Variants in CADPS2 observed in about 807,000 individuals in gnomAD.
CADPS2 encodes the protein calcium dependent secretion activator 2.
A neutral mutation model predicts 172.5 loss-of-function variants in CADPS2; 93 were observed. The ratio of observed to expected loss-of-function variants is 0.54; its 90% confidence interval spans 0.46 to 0.64. The LOEUF is 0.64. Ranked by LOEUF, CADPS2 falls within the 30% of genes least tolerant of loss-of-function variation. The probability of loss-of-function intolerance (pLI) is 0.00; values close to 1 mark genes in which losing one functional copy is unlikely to be tolerated. For missense variants in CADPS2, 1,420 were observed against 1,565.9 expected, an observed-to-expected ratio of 0.91 and a Z score of 1.57; for synonymous variants, 546 against 555.2, an observed-to-expected ratio of 0.98 and a Z score of 0.23.
chr7:122,407,577 A>T lies in CADPS2; in HGVS notation c.2709T>A (p.Pro903=). Residue 903 remains proline (P), a synonymous_variant, in exon 20 of 30, where the codon CCT becomes CCA. Transcript: ENST00000449022. The part of the protein sequence containing the change: ...AQPQDSWDSF[P]LFQLLNNFLR... Reference sequence around the variant, plus strand: ...GGAAATTATTAAGCAGTTGGAAAAGAGGAAAACTATCCCAGGAGTCTTGCG... The same window carrying T: ...GGAAATTATTAAGCAGTTGGAAAAGTGGAAAACTATCCCAGGAGTCTTGCG... 1 of 1,612,430 alleles carries T rather than the reference A, an allele frequency of 6.2e-7. No homozygotes were observed. The highest frequency in any genetic ancestry group is 1.7e-5 in the Admixed American group (1 of 59,858).
chr7:122,846,433 G>A (rs987200213), intron 1 of CADPS2, among the ~76,000 whole-genome samples: 1 of 152,140 alleles, frequency 6.6e-6, no homozygotes, highest in Non-Finnish European at 1.5e-5. Flanking sequence ...GCTGAATTTG[G>A]TTAGCTACAA....
intron 6 of CADPS2, among the ~76,000 whole-genome samples, chr7:122,591,219 A>G (rs934405017): frequency 2.0e-5 from 3 of 152,016 alleles, no homozygotes; most frequent in African/African-American, 4.8e-5. Context: ...CAAATCATGA[A>G]TGAACTCCCA....
chr7:122,722,597 T>C (rs1167016330), intron 2 of CADPS2, among the ~76,000 whole-genome samples: 1 of 144,522 alleles, frequency 6.9e-6, no homozygotes, highest in East Asian at 2.0e-4. Flanking sequence ...GAATCAATAT[T>C]GTGAAAATGG....
chr7:122,571,924 TA>T (rs1189358334), intron 7 of CADPS2, among the ~76,000 whole-genome samples: 1 of 152,156 alleles, frequency 6.6e-6, no homozygotes, highest in Admixed American at 6.6e-5. Context: ...AATAATTAAC[TA>T]TACTAATTTT....
intron 2 of CADPS2, among the ~76,000 whole-genome samples, chr7:122,666,461 A>G (rs567869521): frequency 6.6e-6 from 1 of 150,900 alleles, no homozygotes; most frequent in East Asian, 2.0e-4. Flanking sequence ...CTGCTGCCTC[A>G]GCCTCCTGAG....
intron 6 of CADPS2, among the ~76,000 whole-genome samples, chr7:122,591,925 G>A (rs1441207397): frequency 6.6e-6 from 1 of 151,792 alleles, no homozygotes; most frequent in Non-Finnish European, 1.5e-5. Context: ...ACATAGGCAT[G>A]GACAAGGACT....
At position 122,702,882 on chromosome 7, in the gene CADPS2, A is replaced by C. The variant is rs2086395500; in HGVS notation, c.453+34073T>G. On this transcript the variant is annotated intron_variant, in intron 2 of 29. Transcript: ENST00000449022. ...AATGGAAAAGGTCTCCCTGGATCAAAGCTATCTTGCTCCTTCCAGTATTTT... is the reference window on the plus strand; with the variant it reads ...AATGGAAAAGGTCTCCCTGGATCAACGCTATCTTGCTCCTTCCAGTATTTT... 4 of 647,358 alleles carry C rather than the reference A, an allele frequency of 6.2e-6. No individual in the cohort carries two copies. In the South Asian group the frequency reaches 8.3e-5, roughly 13 times the overall value. 40.1% of individuals were successfully genotyped at this position (647,358 alleles called of 1,614,324 possible).
At chr7:122,686,178 A>G (rs2083592858) in intron 2 of CADPS2, among the ~76,000 whole-genome samples, 2 of 152,040 alleles carry the variant, frequency 1.3e-5, no homozygotes, top group Admixed American at 6.5e-5. Context: ...CTATTCTTTT[A>G]TTTATAAATT....
intron 1 of CADPS2, among the ~76,000 whole-genome samples, chr7:122,808,357 A>G (rs1051377277): frequency 1.3e-5 from 2 of 152,200 alleles, no homozygotes; most frequent in Non-Finnish European, 2.9e-5. Flanking sequence ...TGGTTTTGCA[A>G]TATCAAAGTA....
chr7:122,324,305 G>T (rs2150717566), intron 29 of CADPS2, among the ~76,000 whole-genome samples: 1 of 152,218 alleles, frequency 6.6e-6, no homozygotes, highest in South Asian at 2.1e-4. Context: ...CAACAAGCAG[G>T]CATAAAAATA....
chr7:122,568,005 T>C (rs1389095211), intron 7 of CADPS2, among the ~76,000 whole-genome samples: 1 of 152,132 alleles, frequency 6.6e-6, no homozygotes, highest in Non-Finnish European at 1.5e-5. Flanking sequence ...GAATGGATAA[T>C]AAAGACACAA....
chr7:122,874,524 A>G (rs2141582239), intron 1 of CADPS2, among the ~76,000 whole-genome samples: 1 of 152,338 alleles, frequency 6.6e-6, no homozygotes, highest in African/African-American at 2.4e-5. Context: ...ACAGAATTAG[A>G]AAAAACTACT....
At chr7:122,707,029 G>A (rs1224106535) in intron 2 of CADPS2, among the ~76,000 whole-genome samples, 1 of 151,726 alleles carries the variant, frequency 6.6e-6, no homozygotes. Context: ...CCAGAGGAAG[G>A]GTGAAGATTT....
At position 122,379,683 on chromosome 7, in the gene CADPS2, G is replaced by A. The variant is rs543681208; in HGVS notation, c.3313-241C>T. ...CAGCTAATGGGGTTATTATTTAGAT[G>A]AATTGAGTTCTTATTCTTATTCAGG... On this transcript the variant is annotated intron_variant, in intron 24 of 29. Transcript: ENST00000449022. 4.6e-5 allele frequency among the ~76,000 whole-genome samples: 7 copies of A among 152,200 alleles called. No homozygotes were observed. In the East Asian group the frequency reaches 1.2e-3, roughly 25 times the overall value.
At chr7:122,755,450 C>T (rs1271978595) in intron 1 of CADPS2, among the ~76,000 whole-genome samples, 1 of 152,098 alleles carries the variant, frequency 6.6e-6, no homozygotes, top group Non-Finnish European at 1.5e-5. Context: ...ATTATCAACA[C>T]TGTATTGTAT....
chr7:122,403,646 TTTTAA>T (rs1370257237), intron 20 of CADPS2, among the ~76,000 whole-genome samples: 4 of 152,178 alleles, frequency 2.6e-5, no homozygotes, highest in Non-Finnish European at 4.4e-5. Context: ...AATTATGTAG[TTTTAA>T]TTTATTACCC....
chr7:122,674,986 T>C (rs1250055733), intron 2 of CADPS2, among the ~76,000 whole-genome samples: 3 of 152,270 alleles, frequency 2.0e-5, no homozygotes, highest in African/African-American at 4.8e-5. Context: ...TTAGTCTCAC[T>C]AGAAATCAAA....
At chr7:122,690,780 TG>T (rs1393370791) in intron 2 of CADPS2, among the ~76,000 whole-genome samples, 1 of 152,232 alleles carries the variant, frequency 6.6e-6, no homozygotes, top group African/African-American at 2.4e-5. Context: ...GTCACCTTCT[TG>T]GTGATCACCA....
intron 8 of CADPS2, among the ~76,000 whole-genome samples, chr7:122,541,619 C>G (rs1255203842): frequency 7.0e-6 from 1 of 142,490 alleles, no homozygotes; most frequent in African/African-American, 2.6e-5. Context: ...TCACATATAT[C>G]CATATATATT....
Sources: allele counts gnomAD v4.1 joint callset (sites outside exome capture counted in the v4.1 genomes callset), GRCh38; gene constraint gnomAD v4.1.1; transcripts MANE v1.5; gene names NCBI Gene and HGNC (gene_info 2026-07-23, HGNC 2026-07-21).